AGBL4: variants seen among roughly 807,000 people sequenced by gnomAD.
AGBL4 encodes the protein cytosolic carboxypeptidase 6.
A neutral mutation model predicts 66.4 loss-of-function variants in AGBL4; 58 were observed. That is an observed-to-expected ratio of 0.87 (90% CI 0.71 to 1.09). The LOEUF is 1.09. Ranked by LOEUF, AGBL4 falls within the 50% of genes least tolerant of loss-of-function variation. AGBL4 has a pLI of 0.00. For missense variants in AGBL4, 579 were observed against 631.0 expected (o/e 0.92, Z 0.88); for synonymous variants, 234 against 222.9 (o/e 1.05, Z -0.44).
chr1:49,432,700 T>C (rs1645813587), intron 3 of AGBL4, among the ~76,000 whole-genome samples: 1 of 152,188 alleles, frequency 6.6e-6, no homozygotes, highest in African/African-American at 2.4e-5. Context: ...AAATGGCATA[T>C]TAGCAAGTTG....
At chr1:49,036,453 C>A (rs759750115) in intron 5 of AGBL4, among the ~76,000 whole-genome samples, 9 of 151,926 alleles carry the variant, frequency 5.9e-5, no homozygotes, top group Admixed American at 1.3e-4. Flanking sequence ...AAGTTTGACA[C>A]CATGGAGTAT....
chr1:49,341,700 A>C (rs1451280901), intron 3 of AGBL4, among the ~76,000 whole-genome samples: 1 of 152,112 alleles, frequency 6.6e-6, no homozygotes, highest in Non-Finnish European at 1.5e-5. Flanking sequence ...GACGTGAGAA[A>C]CTTTTTCTCT....
At chr1:48,643,109 G>A (rs144365580) in intron 8 of AGBL4, among the ~76,000 whole-genome samples, 33 of 152,320 alleles carry the variant, frequency 2.2e-4, no homozygotes, top group African/African-American at 7.9e-4. Context: ...TGCTACACAT[G>A]TTAGCTGTTC....
rs77319912 is a variant in AGBL4, at chr1:49,861,581, T to G, written c.35-10063A>C. 2.9e-3 allele frequency among the ~76,000 whole-genome samples: 435 copies of G among 152,162 alleles called. 5 individuals carry two copies. Among genetic ancestry groups the G allele is most frequent in the Non-Finnish European group, 3.7e-3 (252 of 68,002 alleles). Reference sequence around the variant, plus strand: ...TCTTGGAGAACTTTTTCAAAGTTATTTCAATCTCTACGTTAAATTCATCTG... The same window carrying G: ...TCTTGGAGAACTTTTTCAAAGTTATGTCAATCTCTACGTTAAATTCATCTG... On this transcript the variant is annotated intron_variant, in intron 1 of 13. Transcript: ENST00000371839.
intron 4 of AGBL4, among the ~76,000 whole-genome samples, chr1:49,236,345 A>G (rs923232840): frequency 1.4e-4 from 22 of 152,040 alleles, no homozygotes; most frequent in African/African-American, 5.1e-4. Flanking sequence ...AAGGATTTCT[A>G]GAGTTCTTCA....
Position 49,439,558 on chromosome 1 carries a change from C to T in AGBL4, c.283-193694G>A, listed in dbSNP as rs118143689. 7.7e-4 allele frequency among the ~76,000 whole-genome samples: 117 copies of T among 152,118 alleles called. 2 individuals are homozygous for T. The East Asian group carries it at 0.019, about 24-fold the overall frequency. On this transcript the variant is annotated intron_variant, in intron 3 of 13. Coordinates refer to ENST00000371839, the MANE Select transcript of AGBL4 (RefSeq NM_032785.4). ...GATTAGATTGAAGGATGCGAAGTAC[C>T]GATCCTGGGTGTGTCTGTGAGGGTG...
intron 1 of AGBL4, among the ~76,000 whole-genome samples, chr1:49,974,690 A>G (rs1010760214): frequency 2.6e-5 from 4 of 152,164 alleles, no homozygotes; most frequent in Admixed American, 6.5e-5. Flanking sequence ...CCCTAATAGG[A>G]TATCTCCAAA....
chr1:48,711,137 A>G (rs1646961172), intron 6 of AGBL4, among the ~76,000 whole-genome samples: 1 of 152,128 alleles, frequency 6.6e-6, no homozygotes, highest in Admixed American at 6.5e-5. Flanking sequence ...GTCCAGCTCC[A>G]GCCCAGCCCA....
chr1:49,655,072 G>C (rs1258133715), intron 3 of AGBL4, among the ~76,000 whole-genome samples: 2 of 152,070 alleles, frequency 1.3e-5, no homozygotes, highest in Non-Finnish European at 2.9e-5. Flanking sequence ...GGTTATGCTG[G>C]TACCAGTTCC....
intron 5 of AGBL4, among the ~76,000 whole-genome samples, chr1:49,042,134 G>A (rs1352776312): frequency 1.3e-5 from 2 of 151,862 alleles, no homozygotes; most frequent in African/African-American, 4.8e-5. Context: ...AGTATATCAA[G>A]ACTTGTATAT....
At chr1:49,080,910 T>A (rs1256606867) in intron 4 of AGBL4, among the ~76,000 whole-genome samples, 3 of 152,224 alleles carry the variant, frequency 2.0e-5, no homozygotes, top group African/African-American at 4.8e-5. Context: ...CATCCCATAG[T>A]TCTTCCAGAG....
At chr1:49,012,660 A>G (rs1662530418) in intron 5 of AGBL4, among the ~76,000 whole-genome samples, 1 of 152,206 alleles carries the variant, frequency 6.6e-6, no homozygotes, top group African/African-American at 2.4e-5. Flanking sequence ...CCTGACCTGT[A>G]CCTGAAATTC....
chr1:48,754,604 T>A (rs933492352), intron 6 of AGBL4, among the ~76,000 whole-genome samples: 6 of 152,168 alleles, frequency 3.9e-5, no homozygotes, highest in African/African-American at 9.7e-5. Flanking sequence ...GACTGGCATT[T>A]ATTGAACACT....
intron 3 of AGBL4, chr1:49,691,360 T>C (rs1646883115): frequency 6.5e-6 from 1 of 153,176 alleles, no homozygotes; most frequent in Non-Finnish European, 1.5e-5. Context: ...TTGTCCACCA[T>C]GATGATGTTG....
intron 6 of AGBL4, among the ~76,000 whole-genome samples, chr1:48,796,136 T>C (rs1645668408): frequency 6.6e-6 from 1 of 152,226 alleles, no homozygotes; most frequent in African/African-American, 2.4e-5. Context: ...CCTAATACCA[T>C]TCATTTGTCC....
intron 3 of AGBL4, among the ~76,000 whole-genome samples, chr1:49,670,554 G>A (rs1034186865): frequency 6.6e-6 from 1 of 152,130 alleles, no homozygotes; most frequent in Admixed American, 6.6e-5. Context: ...ACATATCCCT[G>A]GCTATAGGTA....
At chr1:49,478,357 A>C (rs1646887247) in intron 3 of AGBL4, among the ~76,000 whole-genome samples, 1 of 152,058 alleles carries the variant, frequency 6.6e-6, no homozygotes, top group Admixed American at 6.5e-5. Context: ...GTAAAAAAGA[A>C]AGAAATAACA....
chr1:49,211,251 A>G (rs547387225), intron 4 of AGBL4, among the ~76,000 whole-genome samples: 2 of 152,258 alleles, frequency 1.3e-5, no homozygotes, highest in Admixed American at 6.5e-5. Flanking sequence ...AAATATTTCA[A>G]TTACACAAAC....
At chr1:49,522,282 G>A (rs1650324766) in intron 3 of AGBL4, among the ~76,000 whole-genome samples, 1 of 151,982 alleles carries the variant, frequency 6.6e-6, no homozygotes, top group Non-Finnish European at 1.5e-5. Flanking sequence ...TTTCTTATGA[G>A]TAGGTGGGTA....
Sources: gnomAD v4.1 joint callset for allele counts (sites outside exome capture counted in the v4.1 genomes callset) on GRCh38, gnomAD v4.1.1 for gene constraint, MANE v1.5 for transcripts, NCBI Gene and HGNC (gene_info 2026-07-23, HGNC 2026-07-21) for gene names.